Variants in SLC25A26 observed in about 807,000 individuals in gnomAD.
SLC25A26 encodes the protein mitochondrial S-adenosylmethionine carrier protein.
SLC25A26 carries 36 observed loss-of-function variants against 37.8 expected under a neutral mutation model. The observed-to-expected ratio is 0.95, with a 90% CI of 0.73 to 1.26. The LOEUF is 1.26. SLC25A26 is among the 50% of genes most tolerant of loss of function. SLC25A26 has a pLI of 0.00. For missense variants in SLC25A26, 390 were observed against 331.1 expected (o/e 1.18, Z -1.38); for synonymous variants, 129 against 122.5 (o/e 1.05, Z -0.35).
At chr3:66,238,564 G>A (rs1359139891) in intron 2 of SLC25A26, among the ~76,000 whole-genome samples, 3 of 151,878 alleles carry the variant, frequency 2.0e-5, no homozygotes, top group East Asian at 1.9e-4. Context: ...TTTATTTTTA[G>A]TAGAGACGGG....
At chr3:66,343,150 G>A (rs1023269961) in intron 5 of SLC25A26, among the ~76,000 whole-genome samples, 1 of 152,140 alleles carries the variant, frequency 6.6e-6, no homozygotes, top group Non-Finnish European at 1.5e-5. Flanking sequence ...GCTTTCTGAC[G>A]GGCCCACGTT....
chr3:66,329,697 T>G (rs1293146517), intron 5 of SLC25A26, among the ~76,000 whole-genome samples: 6 of 152,138 alleles, frequency 3.9e-5, no homozygotes, highest in Non-Finnish European at 8.8e-5. Flanking sequence ...TGTGACAGAT[T>G]GTTCCAATTT....
intron 2 of SLC25A26, among the ~76,000 whole-genome samples, chr3:66,239,732 G>GA: frequency 6.7e-6 from 1 of 149,688 alleles, no homozygotes; most frequent in Non-Finnish European, 1.5e-5. Flanking sequence ...TTCAAAACAA[G>GA]AAAAAAGGTA....
intron 5 of SLC25A26, among the ~76,000 whole-genome samples, chr3:66,338,593 A>G (rs2076142095): frequency 1.3e-5 from 2 of 152,064 alleles, no homozygotes; most frequent in South Asian, 4.1e-4. Flanking sequence ...AAGATTCAGT[A>G]TCATTAATTA....
chr3:66,321,052 T>G (rs1348534846), intron 5 of SLC25A26, among the ~76,000 whole-genome samples: 1 of 152,040 alleles, frequency 6.6e-6, no homozygotes, highest in African/African-American at 2.4e-5. Context: ...CATGATGGGA[T>G]TAGCATCTTT....
chr3:66,341,091 A>G (rs1575587924), intron 5 of SLC25A26, among the ~76,000 whole-genome samples: 1 of 151,936 alleles, frequency 6.6e-6, no homozygotes, highest in East Asian at 1.9e-4. Flanking sequence ...GCCTGATTGC[A>G]TTGACTAGGA....
chr3:66,227,284 T>A (rs1215332491), intron 1 of SLC25A26, among the ~76,000 whole-genome samples: 6 of 152,258 alleles, frequency 3.9e-5, no homozygotes, highest in African/African-American at 1.4e-4. Context: ...CATGGCCAGC[T>A]GTTTGTTCTC....
chr3:66,256,450 G>A (rs2073305693), intron 3 of SLC25A26, among the ~76,000 whole-genome samples: 1 of 151,964 alleles, frequency 6.6e-6, no homozygotes, highest in South Asian at 2.1e-4. Context: ...TTGAAATTAT[G>A]TTAAAAACTT....
At chr3:66,209,613 C>T in intron 1 of SLC25A26, among the ~76,000 whole-genome samples, 1 of 112,972 alleles carries the variant, frequency 8.9e-6, no homozygotes, top group African/African-American at 2.8e-5. Flanking sequence ...TATATATATA[C>T]ACACCTATAT....
At chr3:66,358,903 A>T (rs1398241572) in intron 6 of SLC25A26, among the ~76,000 whole-genome samples, 2 of 152,196 alleles carry the variant, frequency 1.3e-5, no homozygotes, top group East Asian at 3.8e-4. Context: ...GAAGTTCTGT[A>T]TGTTCTATGG....
At chr3:66,258,527 C>T (rs943319830) in intron 3 of SLC25A26, among the ~76,000 whole-genome samples, 2 of 152,150 alleles carry the variant, frequency 1.3e-5, no homozygotes, top group African/African-American at 2.4e-5. Context: ...TCAGCTCTCC[C>T]GCTTGCTCCA....
chr3:66,214,138 G>C (rs1290914570), intron 1 of SLC25A26, among the ~76,000 whole-genome samples: 4 of 152,030 alleles, frequency 2.6e-5, no homozygotes, highest in Non-Finnish European at 5.9e-5. Context: ...TGGGTCATGG[G>C]GGTGGATCCC....
intron 1 of SLC25A26, among the ~76,000 whole-genome samples, chr3:66,143,222 G>A (rs562367869): frequency 1.3e-5 from 2 of 151,322 alleles, no homozygotes; most frequent in Admixed American, 1.3e-4. Flanking sequence ...AACACAATTT[G>A]TCTATCTATT....
At chr3:66,145,737 T>C (rs972562801) in intron 1 of SLC25A26, among the ~76,000 whole-genome samples, 9 of 152,208 alleles carry the variant, frequency 5.9e-5, no homozygotes, top group Non-Finnish European at 1.3e-4. Flanking sequence ...ATTTTCTTTT[T>C]TCCCCACTAT....
At chr3:66,279,377 G>T (rs554476314) in intron 5 of SLC25A26, among the ~76,000 whole-genome samples, 2 of 152,164 alleles carry the variant, frequency 1.3e-5, no homozygotes, top group Non-Finnish European at 2.9e-5. Context: ...TGGTCAGGCA[G>T]CCCAGGTTTT....
chr3:66,264,900 C>G (rs1488922824), intron 5 of SLC25A26, among the ~76,000 whole-genome samples: 2 of 152,244 alleles, frequency 1.3e-5, no homozygotes, highest in Non-Finnish European at 2.9e-5. Flanking sequence ...CACTTCACCT[C>G]TCTTTGCCTT....
intron 5 of SLC25A26, among the ~76,000 whole-genome samples, chr3:66,286,440 G>A (rs1040133462): frequency 7.9e-5 from 12 of 152,036 alleles, no homozygotes; most frequent in African/African-American, 2.7e-4. Flanking sequence ...AACAGCATTT[G>A]TTGAAAAGAT....
At chr3:66,318,651 A>T (rs1316313771) in intron 5 of SLC25A26, among the ~76,000 whole-genome samples, 4 of 146,202 alleles carry the variant, frequency 2.7e-5, no homozygotes, top group Admixed American at 6.7e-5. Context: ...TTTATTTATT[A>T]AAAAAAAAAT....
intron 6 of SLC25A26, among the ~76,000 whole-genome samples, chr3:66,362,474 A>G (rs1431330811): frequency 6.6e-6 from 1 of 152,248 alleles, no homozygotes; most frequent in East Asian, 1.9e-4. Context: ...GGAAAGGCAT[A>G]CTAATCTAGA....
Sources: allele counts gnomAD v4.1 joint callset (sites outside exome capture counted in the v4.1 genomes callset), GRCh38; gene constraint gnomAD v4.1.1; transcripts MANE v1.5; gene names NCBI Gene and HGNC (gene_info 2026-07-23, HGNC 2026-07-21).